Variants in CD47 observed in about 807,000 individuals in gnomAD.
The protein encoded by CD47 is CD47 molecule, also known as leukocyte surface antigen CD47.
In CD47, 11 loss-of-function variants were observed where a neutral mutation model predicts 44.6. That is an observed-to-expected ratio of 0.25 (90% confidence interval 0.16 to 0.41). The LOEUF (loss-of-function observed/expected upper bound fraction) is 0.41, where lower values mean the gene tolerates loss of function less well. Among genes scored for constraint, CD47 ranks in the 10% least tolerant of loss-of-function variants. The pLI is 1.00. For synonymous variants in CD47, 140 were observed against 136.3 expected (o/e 1.03, Z -0.19); for missense variants, 306 against 386.7 (o/e 0.79, Z 1.75).
chr3:108,074,406 C>T (rs189324059), intron 2 of CD47, among the ~76,000 whole-genome samples: 2,230 of 152,064 alleles, frequency 0.015, 57 homozygotes, highest in African/African-American at 0.052. Flanking sequence ...CTCCACCTCC[C>T]GGGTTCAAGC....
intron 3 of CD47, among the ~76,000 whole-genome samples, chr3:108,061,633 T>C (rs985605118): frequency 6.6e-6 from 1 of 152,214 alleles, no homozygotes; most frequent in African/African-American, 2.4e-5. Context: ...TCTGAAAGAA[T>C]GGAATGGGTC....
In CD47 at chr3:108,043,633, G is replaced by A. The variant is rs2078665732; in HGVS notation, c.*3655C>T. On this transcript the variant is annotated 3_prime_UTR_variant, in exon 11 of 11. Coordinates refer to ENST00000361309, the MANE Select transcript of CD47 (RefSeq NM_001777.4). ...GTTAATAGATATTTATACGATGTGGGATCTAATTCTCAACAATGGCTTTTT... is the reference window on the plus strand; with the variant it reads ...GTTAATAGATATTTATACGATGTGGAATCTAATTCTCAACAATGGCTTTTT... 1 of 152,538 alleles carries A rather than the reference G, an allele frequency of 6.6e-6. No individual in the cohort carries two copies. 9.4% of individuals were successfully genotyped at this position (152,538 alleles called of 1,614,324 possible). A position where few individuals can be genotyped will look rare whatever the true frequency, so the allele number is the denominator to read the frequency against.
rs1313425823 is a variant in CD47 at position 108,059,470 on chromosome 3, A to G, written c.673T>C (p.Tyr225His). ...TSTGILILLH[Y>H]YVFSTAIGLT... is the part of the protein sequence containing the mutation. ...AACTCACCTGTACTAAACACATAGT[A>G]GTGAAGTAATATTAATATCCCTGTA... Residue 225 changes from tyrosine to histidine, a missense_variant, in exon 5 of 11, where the codon TAC becomes CAC. By Grantham distance (83) the Tyr-to-His change is moderately conservative. Transcript: ENST00000361309. 4 of 1,502,620 alleles carry G rather than the reference A, an allele frequency of 2.7e-6. 1 individual carries two copies. In the South Asian group the frequency reaches 3.8e-5, roughly 14 times the overall value. 93.1% of individuals were successfully genotyped at this position (1,502,620 alleles called of 1,614,324 possible).
intron 2 of CD47, 83 bp from the exon 3 acceptor site, chr3:108,071,265 AT>A (rs1476531427): frequency 1.6e-6 from 1 of 619,408 alleles, no homozygotes; most frequent in East Asian, 3.0e-5. Flanking sequence ...TACATGCTTT[AT>A]TATAGAGATG....
intron 1 of CD47, among the ~76,000 whole-genome samples, chr3:108,089,683 CG>C: frequency 6.6e-6 from 1 of 152,126 alleles, no homozygotes; most frequent in African/African-American, 2.4e-5. Flanking sequence ...CCAGGATGCT[CG>C]GGGAGGGAGG....
At chr3:108,047,847 T>C (rs1436294437) in intron 10 of CD47, among the ~76,000 whole-genome samples, 1 of 152,188 alleles carries the variant, frequency 6.6e-6, no homozygotes, top group African/African-American at 2.4e-5. Context: ...ATCTTGAAGA[T>C]CATCGTAGAT....
chr3:108,064,482 T>C (rs972099547), intron 3 of CD47, among the ~76,000 whole-genome samples: 7 of 152,114 alleles, frequency 4.6e-5, no homozygotes, highest in African/African-American at 1.7e-4. Context: ...TTGTGACCAA[T>C]AGACAGCACA....
intron 1 of CD47, 50 bp downstream of exon 1, chr3:108,090,813 C>A: frequency 2.1e-6 from 3 of 1,446,014 alleles, no homozygotes; most frequent in Non-Finnish European, 2.7e-6. Flanking sequence ...CACACGCCCG[C>A]GGGGGCGAAG....
chr3:108,057,594 A>G, intron 6 of CD47, 25 bp from the exon 7 acceptor site: 1 of 1,097,506 alleles, frequency 9.1e-7, no homozygotes, highest in South Asian at 1.3e-5. Context: ...AAAATTCTGT[A>G]TTAGAAAAGC....
chr3:108,053,877 C>T (rs2078870198), intron 7 of CD47: 1 of 152,156 alleles, frequency 6.6e-6, no homozygotes, highest in African/African-American at 2.4e-5. Flanking sequence ...ATTTAGCAGC[C>T]TCCCCAATAA....
At chr3:108,061,450 T>G (rs753472892) in intron 3 of CD47, among the ~76,000 whole-genome samples, 1 of 151,720 alleles carries the variant, frequency 6.6e-6, no homozygotes, top group Non-Finnish European at 1.5e-5. Context: ...TTGAAAAAAA[T>G]GACAGAATAA....
At position 108,057,495 on chromosome 3, in the gene CD47, C is replaced by T. The variant is rs1219612693; in HGVS notation, c.859G>A (p.Val287Ile). Reference sequence around the variant, plus strand: ...GACTTACCCACAAATTTCATATAAACTAGTCCAAGTAATTGTGCTAGAGCT... The same window carrying T: ...GACTTACCCACAAATTTCATATAAATTAGTCCAAGTAATTGTGCTAGAGCT... ...ILALAQLLGLVYMKFVASNQK... is the reference protein window; with the variant it reads ...ILALAQLLGLIYMKFVASNQK... Residue 287 changes from valine to isoleucine, a missense_variant, in exon 7 of 11, where the codon GTT becomes ATT. Val to Ile is a conservative substitution (Grantham distance 29, BLOSUM62 3). This residue lies in a region of CD47 where 131 missense variants were observed against 135.3 expected (regional missense o/e 0.97). Transcript: ENST00000361309. 1.3e-6 allele frequency: 2 copies of T among 1,534,792 alleles called. No homozygotes were observed. The highest frequency in any genetic ancestry group is 1.1e-5 in the South Asian group (1 of 89,312).
intron 1 of CD47, among the ~76,000 whole-genome samples, chr3:108,081,880 A>T (rs1046838408): frequency 6.6e-6 from 1 of 152,036 alleles, no homozygotes; most frequent in East Asian, 1.9e-4. Flanking sequence ...TATTTCTGGG[A>T]AATTGCAGTC....
chr3:108,082,516 A>C (rs1577016210), intron 1 of CD47, among the ~76,000 whole-genome samples: 1 of 152,052 alleles, frequency 6.6e-6, no homozygotes, highest in African/African-American at 2.4e-5. Flanking sequence ...CCTTCTTGCT[A>C]GTTTGCTTGT....
intron 5 of CD47, among the ~76,000 whole-genome samples, chr3:108,058,704 C>T (rs1041298426): frequency 2.6e-5 from 4 of 152,216 alleles, no homozygotes; most frequent in African/African-American, 9.6e-5. Flanking sequence ...TTTTACCACA[C>T]TTGTGCATTT....
chr3:108,047,386 G>T, intron 10 of CD47, 94 bp from the exon 11 acceptor site: 1 of 883,996 alleles, frequency 1.1e-6, no homozygotes, highest in Non-Finnish European at 1.7e-6. Flanking sequence ...CAGATATATA[G>T]TATCTAAAAA....
At chr3:108,059,687 G>T (rs953218130) in intron 4 of CD47, 143 bp from the exon 5 acceptor site, 8 of 451,276 alleles carry the variant, frequency 1.8e-5, no homozygotes, top group African/African-American at 1.4e-4. Context: ...ACTATTTTTT[G>T]ATTAAGACCA....
chr3:108,071,202 A>C lies in CD47; in HGVS notation c.401-20T>G. On this transcript the variant is annotated intron_variant, in intron 2 of 10. Transcript: ENST00000361309. Reference sequence around the variant, plus strand: ...ATGAAACTGGGGAAGAAGAAAACAAAAGTCACAATTAATATTTACTATAAC... The same window carrying C: ...ATGAAACTGGGGAAGAAGAAAACAACAGTCACAATTAATATTTACTATAAC... 9.0e-7 allele frequency: 1 copy of C among 1,111,140 alleles called. No individual in the cohort carries two copies. The highest frequency in any genetic ancestry group is 1.4e-5 in the South Asian group (1 of 70,352). 68.8% of individuals were successfully genotyped at this position (1,111,140 alleles called of 1,614,324 possible).
intron 2 of CD47, among the ~76,000 whole-genome samples, chr3:108,078,138 C>T (rs141688100): frequency 6.6e-5 from 10 of 152,130 alleles, no homozygotes; most frequent in African/African-American, 1.7e-4. Flanking sequence ...ATCTTTGAAT[C>T]GTCCTGTAAA....
Sources: gnomAD v4.1 joint callset for allele counts (sites outside exome capture counted in the v4.1 genomes callset) on GRCh38, gnomAD v4.1.1 for gene constraint, gnomAD v4.1.1 regional missense constraint, MANE v1.5 for transcripts, NCBI Gene and HGNC (gene_info 2026-07-23, HGNC 2026-07-21) for gene names.